SPATA2L: variants seen among roughly 807,000 people sequenced by gnomAD.
SPATA2L encodes spermatogenesis associated 2 like.
A neutral mutation model predicts 8.7 loss-of-function variants in SPATA2L; 5 were observed. The ratio of observed to expected loss-of-function variants is 0.57; its 90% CI spans 0.30 to 1.21. SPATA2L has a LOEUF of 1.21. Among genes scored for constraint, SPATA2L ranks in the 50% most tolerant of loss-of-function variants. SPATA2L has a pLI of 0.07. For synonymous variants in SPATA2L, 358 were observed against 275.8 expected, an observed-to-expected ratio of 1.30 and a Z score of -2.95; for missense variants, 671 against 591.0, an observed-to-expected ratio of 1.14 and a Z score of -1.40.
chr16:89,699,962 A>G (rs2060765153), intron 2 of SPATA2L, among the ~76,000 whole-genome samples: 1 of 152,182 alleles, frequency 6.6e-6, no homozygotes, highest in South Asian at 2.1e-4. Context: ...CCTAGCATCT[A>G]ATGCCTGGAC....
chr16:89,699,426 G>A (rs1201161119), intron 2 of SPATA2L, among the ~76,000 whole-genome samples: 1 of 152,222 alleles, frequency 6.6e-6, no homozygotes, highest in Non-Finnish European at 1.5e-5. Flanking sequence ...AAGGACAGAA[G>A]CTGTAACGTT....
At position 89,697,959 on chromosome 16, in the gene SPATA2L, G is replaced by T; in HGVS notation, c.650C>A (p.Ser217Tyr). 1.2e-6 allele frequency: 2 copies of T among 1,606,524 alleles called. No individual in the cohort carries two copies. ...EEPPPLPPRG[S>Y]PAAYRAPLDL... Reference sequence around the variant, plus strand: ...CAGTGGGGCCCTGTAAGCAGCAGGGGAGCCTCGGGGGGGCAGGGGTGGCGG... The same window carrying T: ...CAGTGGGGCCCTGTAAGCAGCAGGGTAGCCTCGGGGGGGCAGGGGTGGCGG... The change falls in exon 3 of 3, where the codon TCC (serine) becomes TAC (tyrosine). Residue 217 changes from serine to tyrosine, a missense_variant. Ser to Tyr is a moderately radical substitution (Grantham distance 144). Transcript: ENST00000289805.
In SPATA2L at chr16:89,697,835, G is replaced by C; in HGVS notation, c.774C>G (p.Ala258=). The C allele has an allele frequency of 6.2e-7, 1 of 1,607,572 alleles. No homozygotes were observed. The highest frequency in any genetic ancestry group is 2.2e-5 in the East Asian group (1 of 44,556). The change falls in exon 3 of 3, where the codon GCC becomes GCG. Residue 258 remains alanine (A), a synonymous_variant. Coordinates refer to ENST00000289805, the MANE Select transcript of SPATA2L (RefSeq NM_152339.4). The stretch of plus-strand genomic sequence containing the variant: ...TCTGCTCCCAGAGTGGTGGCCTGTA[G>C]GCCAGCTCCGCCGGGGGCGAGTCAG... ...PGPDSPPAEL[A]YRPPLWEQSA...
Position 89,697,269 on chromosome 16 carries a change from C to A in SPATA2L, c.*65G>T. On this transcript the variant is annotated 3_prime_UTR_variant, in exon 3 of 3. Transcript: ENST00000289805. ...AAGGCAACCAGAGGCCCAGACCCCT[C>A]CCCAGCAAAGAGAAGCACCACGGGA... The A allele has an allele frequency of 6.9e-7, 1 of 1,449,454 alleles. No individual in the cohort carries two copies. The highest frequency in any genetic ancestry group is 9.0e-7 in the Non-Finnish European group (1 of 1,106,112). 89.8% of individuals were successfully genotyped at this position (1,449,454 alleles called of 1,614,324 possible).
rs11866038 is a variant in SPATA2L, at chr16:89,697,829, C to T, written c.780G>A (p.Arg260=). The change falls in exon 3 of 3, where the codon AGG becomes AGA. Residue 260 remains arginine (R), a synonymous_variant. Transcript: ENST00000289805. ...TGGCACTCTGCTCCCAGAGTGGTGG[C>T]CTGTAGGCCAGCTCCGCCGGGGGCG... is the stretch of plus-strand genomic sequence containing the variant. ...PDSPPAELAY[R]PPLWEQSAKL... 102,633 of 1,605,646 alleles carry T rather than the reference C, an allele frequency of 0.064. 4,642 individuals carry two copies. Among genetic ancestry groups the T allele is most frequent in the African/African-American group, 0.2 (14,628 of 74,742 alleles).
At chr16:89,700,899 A>C in intron 2 of SPATA2L, 31 bp downstream of exon 2, 1 of 1,411,378 alleles carries the variant, frequency 7.1e-7, no homozygotes, top group Non-Finnish European at 9.3e-7. Flanking sequence ...GGCCAGGACG[A>C]GGGGCGCGCT....
intron 2 of SPATA2L, among the ~76,000 whole-genome samples, chr16:89,700,261 C>A (rs1291450454): frequency 1.3e-5 from 2 of 152,208 alleles, no homozygotes; most frequent in Non-Finnish European, 1.5e-5. Context: ...GCGCCTCCGA[C>A]CAGCAGGTGT....
At chr16:89,698,559 C>T (rs1457649728) in intron 2 of SPATA2L, among the ~76,000 whole-genome samples, 1 of 136,978 alleles carries the variant, frequency 7.3e-6, no homozygotes, top group Non-Finnish European at 1.5e-5. Flanking sequence ...CATCTCAGCT[C>T]ACTGCAGCCT....
rs1427660377 is a variant in SPATA2L at position 89,696,870 on chromosome 16, G to A, written c.*464C>T. 10 of 1,534,926 alleles carry A rather than the reference G, an allele frequency of 6.5e-6. No individual in the cohort carries two copies. The highest frequency in any genetic ancestry group is 5.5e-5 in the African/African-American group (4 of 73,052). On this transcript the variant is annotated 3_prime_UTR_variant, in exon 3 of 3. Transcript: ENST00000289805. Reference sequence around the variant, plus strand: ...GCAGATTGGCTCCAGCAGAGCTTGGGGTGGGGGGAGCTCGGTGTCACCAAC... The same window carrying A: ...GCAGATTGGCTCCAGCAGAGCTTGGAGTGGGGGGAGCTCGGTGTCACCAAC...
At chr16:89,698,425 C>CTT in intron 2 of SPATA2L, 120 bp from the exon 3 acceptor site, 1 of 1,100,862 alleles carries the variant, frequency 9.1e-7, no homozygotes, top group South Asian at 2.0e-5. Flanking sequence ...AGACCCAACC[C>CTT]CAGAGACTAG....
rs909195204 is a variant in SPATA2L at position 89,700,852 on chromosome 16, G to T, written c.303+78C>A. The stretch of plus-strand genomic sequence containing the variant: ...ACTTGAAGCCCCTCTCTCTCGAAAG[G>T]CGTGGTCCCCCATGGTCGGCGGCCC... On this transcript the variant is annotated intron_variant, in intron 2 of 2. Transcript: ENST00000289805. The T allele has an allele frequency of 8.1e-6, 11 of 1,362,552 alleles. No homozygotes were observed. In the African/African-American group the frequency reaches 1.1e-4, roughly 13 times the overall value. 84.4% of individuals were successfully genotyped at this position (1,362,552 alleles called of 1,614,324 possible).
Position 89,696,907 on chromosome 16 carries a change from G to C in SPATA2L, c.*427C>G. 6.5e-7 allele frequency: 1 copy of C among 1,532,072 alleles called. No individual in the cohort carries two copies. 94.9% of individuals were successfully genotyped at this position (1,532,072 alleles called of 1,614,324 possible). On this transcript the variant is annotated 3_prime_UTR_variant, in exon 3 of 3. Transcript: ENST00000289805. Reference sequence around the variant, plus strand: ...TCGGTGTCACCAACAGGCCCTTGAGGACACTCGTGTGGAGAATCCCTGGGA... The same window carrying C: ...TCGGTGTCACCAACAGGCCCTTGAGCACACTCGTGTGGAGAATCCCTGGGA...
Position 89,697,444 on chromosome 16 carries a change from G to A in SPATA2L, c.1165C>T (p.Arg389Cys), listed in dbSNP as rs568170063. The A allele has an allele frequency of 7.1e-5, 114 of 1,605,792 alleles. 4 individuals are homozygous for A. The South Asian group carries it at 1.1e-3, about 16-fold the overall frequency. ...AGCACACGCAGCGAGTGGCCTGGAC[G>A]GCAGGCGGGCAGGGCTGCACAGTGG... is the stretch of plus-strand genomic sequence containing the variant. ...AAHCAALPAC[R>C]PGHSLRVLLG... The change falls in exon 3 of 3, where the codon CGT becomes TGT. Residue 389 changes from arginine to cysteine, a missense_variant. By Grantham distance (180) the Arg-to-Cys change is radical. Transcript: ENST00000289805.
In SPATA2L at chr16:89,700,799, C is replaced by T. The variant is rs1287389154; in HGVS notation, c.303+131G>A. 6 of 1,056,690 alleles carry T rather than the reference C, an allele frequency of 5.7e-6. 1 individual carries two copies. In the Admixed American group the frequency reaches 1.0e-4, roughly 18 times the overall value. The allele number at this position is 1,056,690 out of a possible 1,614,324, so 65.5% of individuals were successfully genotyped here. A position where few individuals can be genotyped will look rare whatever the true frequency, so the allele number is the denominator to read the frequency against. The stretch of plus-strand genomic sequence containing the variant: ...CCCACGACCCCTCAGCGCTCGGAGC[C>T]TTGAGGAGCCCACCAGGCACTGAGG... On this transcript the variant is annotated intron_variant, in intron 2 of 2. Coordinates refer to ENST00000289805, the MANE Select transcript of SPATA2L (RefSeq NM_152339.4).
rs2060750835 is a variant in SPATA2L, at chr16:89,698,227, C to T, written c.382G>A (p.Gly128Ser). 3.1e-6 allele frequency: 5 copies of T among 1,611,986 alleles called. No individual in the cohort carries two copies. The highest frequency in any genetic ancestry group is 2.2e-5 in the East Asian group (1 of 44,854). The change falls in exon 3 of 3, where the codon GGC becomes AGC. Residue 128 changes from glycine (G) to serine (S), a missense_variant. Physicochemically the swap from Gly to Ser is moderately conservative, Grantham distance 56. Coordinates refer to ENST00000289805, the MANE Select transcript of SPATA2L (RefSeq NM_152339.4). ...DLLLKSFQKM[G>S]YVRRDSHRLM... is the part of the protein sequence containing the mutation. ...CGATGGCTGTCTCTGCGTACGTAGC[C>T]CATCTTCTGGAAGCTCTTCAGGAGG...
In SPATA2L at chr16:89,701,127, A is replaced by G; in HGVS notation, c.106T>C (p.Trp36Arg). ...CGDPSLRAVL[W>R]QILVEDFDLH... Reference sequence around the variant, plus strand: ...TCGAAGTCCTCCACCAGGATCTGCCAGAGCACCGCGCGCAGCGAGGGGTCC... The same window carrying G: ...TCGAAGTCCTCCACCAGGATCTGCCGGAGCACCGCGCGCAGCGAGGGGTCC... The change falls in exon 2 of 3, where the codon TGG (tryptophan) becomes CGG (arginine). Residue 36 changes from tryptophan to arginine, a missense_variant. Physicochemically the swap from Trp to Arg is moderately radical, Grantham distance 101. Coordinates refer to ENST00000289805, the MANE Select transcript of SPATA2L (RefSeq NM_152339.4). 1 of 1,539,044 alleles carries G rather than the reference A, an allele frequency of 6.5e-7. No individual in the cohort carries two copies. Among genetic ancestry groups the G allele is most frequent in the Non-Finnish European group, 8.7e-7 (1 of 1,149,132 alleles).
rs1043324972 is a variant in SPATA2L at position 89,700,912 on chromosome 16, T to C, written c.303+18A>G. ...CAGGCCAGGACGAGGGGCGCGCTCC[T>C]CCTGGCCTGGCGCCTACCTTGATGG... is the stretch of plus-strand genomic sequence containing the variant. On this transcript the variant is annotated intron_variant, in intron 2 of 2. Coordinates refer to ENST00000289805, the MANE Select transcript of SPATA2L (RefSeq NM_152339.4). 16 of 1,430,524 alleles carry C rather than the reference T, an allele frequency of 1.1e-5. No homozygotes were observed. In the African/African-American group the frequency reaches 1.9e-4, roughly 17 times the overall value. 88.6% of individuals were successfully genotyped at this position (1,430,524 alleles called of 1,614,324 possible). A position where few individuals can be genotyped will look rare whatever the true frequency, so the allele number is the denominator to read the frequency against.
chr16:89,699,725 A>AT (rs2060763029), intron 2 of SPATA2L, among the ~76,000 whole-genome samples: 1 of 151,588 alleles, frequency 6.6e-6, no homozygotes, highest in African/African-American at 2.4e-5. Flanking sequence ...TCATTTTTGT[A>AT]TTTTTTAATA....
Position 89,697,420 on chromosome 16 carries a change from G to A in SPATA2L, c.1189C>T (p.Leu397=). 1 of 1,604,846 alleles carries A rather than the reference G, an allele frequency of 6.2e-7. No individual in the cohort carries two copies. Among genetic ancestry groups the A allele is most frequent in the Non-Finnish European group, 8.5e-7 (1 of 1,175,798 alleles). ...AAGCGCCGCTGGGCGTCGCCAAGCA[G>A]CACACGCAGCGAGTGGCCTGGACGG... The part of the protein sequence containing the change: ...ACRPGHSLRV[L]LGDAQRRLWL... The change falls in exon 3 of 3, where the codon CTG becomes TTG. Residue 397 remains leucine (L), a synonymous_variant. Coordinates refer to ENST00000289805, the MANE Select transcript of SPATA2L (RefSeq NM_152339.4).
Sources: gnomAD v4.1 joint callset for allele counts (sites outside exome capture counted in the v4.1 genomes callset) on GRCh38, gnomAD v4.1.1 for gene constraint, MANE v1.5 for transcripts, NCBI Gene and HGNC (gene_info 2026-07-23, HGNC 2026-07-21) for gene names.